MAP2K4: variants seen among roughly 807,000 people sequenced by gnomAD.
MAP2K4 encodes mitogen-activated protein kinase kinase 4, also known as dual specificity mitogen-activated protein kinase kinase 4.
A neutral mutation model predicts 48.5 loss-of-function variants in MAP2K4; 4 were observed. That is an observed-to-expected ratio of 0.08 (90% CI 0.04 to 0.19). The LOEUF (loss-of-function observed/expected upper bound fraction) is 0.19. Among genes scored for constraint, MAP2K4 ranks in the 10% least tolerant of loss-of-function variants. The pLI is 1.00. For synonymous variants in MAP2K4, 166 were observed against 173.1 expected (o/e 0.96, Z 0.32); for missense variants, 258 against 493.3 (o/e 0.52, Z 4.52).
At chr17:12,021,712 G>A (rs572224628) in intron 1 of MAP2K4, among the ~76,000 whole-genome samples, 8 of 141,622 alleles carry the variant, frequency 5.6e-5, no homozygotes, top group African/African-American at 2.1e-4. Context: ...AGGGATTTCT[G>A]TGTTAGCATT....
At chr17:12,133,957 C>T (rs1280933338) in intron 9 of MAP2K4, among the ~76,000 whole-genome samples, 2 of 152,218 alleles carry the variant, frequency 1.3e-5, no homozygotes, top group African/African-American at 4.8e-5. Flanking sequence ...AGTATCTACT[C>T]CTGCCTTTCT....
At chr17:12,063,626 A>G (rs892455055) in intron 2 of MAP2K4, among the ~76,000 whole-genome samples, 1 of 152,190 alleles carries the variant, frequency 6.6e-6, no homozygotes, top group East Asian at 1.9e-4. Context: ...AAAATAATAA[A>G]TTGGATTTTA....
chr17:12,096,491 G>A (rs1325378405), intron 4 of MAP2K4, among the ~76,000 whole-genome samples: 1 of 152,144 alleles, frequency 6.6e-6, no homozygotes, highest in Non-Finnish European at 1.5e-5. Flanking sequence ...ATCAAAAATT[G>A]TGATACTTAG....
chr17:12,048,651 T>A (rs950024238), intron 1 of MAP2K4, among the ~76,000 whole-genome samples: 12 of 152,012 alleles, frequency 7.9e-5, no homozygotes, highest in African/African-American at 2.7e-4. Context: ...CTTTATTTAT[T>A]TTTATTTATT....
At chr17:12,046,193 A>G (rs1969959199) in intron 1 of MAP2K4, among the ~76,000 whole-genome samples, 1 of 152,180 alleles carries the variant, frequency 6.6e-6, no homozygotes, top group Non-Finnish European at 1.5e-5. Flanking sequence ...CCCCTGAACC[A>G]AAGGTGGAGA....
chr17:12,086,223 C>T (rs553327974), intron 3 of MAP2K4, among the ~76,000 whole-genome samples: 4 of 152,208 alleles, frequency 2.6e-5, no homozygotes, highest in South Asian at 2.1e-4. Flanking sequence ...TATCTTAGGC[C>T]GTCGTTCGGT....
At chr17:12,104,603 G>A (rs1364079748) in intron 4 of MAP2K4, among the ~76,000 whole-genome samples, 1 of 151,740 alleles carries the variant, frequency 6.6e-6, no homozygotes, top group Non-Finnish European at 1.5e-5. Flanking sequence ...ACTGAGTTTG[G>A]TCTTTCCCTA....
At chr17:12,101,676 ATTATT>A (rs928238364) in intron 4 of MAP2K4, among the ~76,000 whole-genome samples, 1 of 152,098 alleles carries the variant, frequency 6.6e-6, no homozygotes, top group Non-Finnish European at 1.5e-5. Context: ...ATCTCACTTT[ATTATT>A]TTACATCTTC....
chr17:12,082,179 A>G (rs757045656), intron 3 of MAP2K4, among the ~76,000 whole-genome samples: 3 of 151,824 alleles, frequency 2.0e-5, no homozygotes, highest in African/African-American at 7.3e-5. Flanking sequence ...GATTTGATCC[A>G]TAGACAATAC....
intron 3 of MAP2K4, among the ~76,000 whole-genome samples, chr17:12,088,508 TATA>T (rs1369986074): frequency 5.6e-5 from 6 of 107,130 alleles, no homozygotes; most frequent in Admixed American, 1.2e-4. Context: ...ATATATTATC[TATA>T]ATATGTATGT....
intron 2 of MAP2K4, among the ~76,000 whole-genome samples, chr17:12,079,982 C>T (rs1173995154): frequency 1.8e-4 from 28 of 152,156 alleles, no homozygotes. Context: ...CTGAAAAGCA[C>T]TTGTATGAAT....
intron 3 of MAP2K4, among the ~76,000 whole-genome samples, chr17:12,085,213 G>A (rs1014001398): frequency 1.3e-5 from 2 of 152,264 alleles, no homozygotes; most frequent in Non-Finnish European, 1.5e-5. Flanking sequence ...ATGAGAGGGA[G>A]TATAAGGACT....
At chr17:12,110,106 AT>A (rs1972254427) in intron 5 of MAP2K4, among the ~76,000 whole-genome samples, 6 of 152,156 alleles carry the variant, frequency 3.9e-5, no homozygotes, top group Admixed American at 3.9e-4. Context: ...AAAAGATAAA[AT>A]TTTAAATGAA....
intron 2 of MAP2K4, among the ~76,000 whole-genome samples, chr17:12,080,239 A>AATGACC (rs1971146411): frequency 6.6e-6 from 1 of 152,220 alleles, no homozygotes; most frequent in African/African-American, 2.4e-5. Context: ...GAAGAAAAAT[A>AATGACC]ATGACCAAGC....
intron 5 of MAP2K4, 72 bp from the exon 6 acceptor site, chr17:12,110,303 T>A: frequency 2.0e-6 from 2 of 1,011,392 alleles, no homozygotes. Context: ...GGATATTACT[T>A]GTGATAAACT....
At chr17:12,057,107 AAGAC>A (rs929898130) in intron 2 of MAP2K4, among the ~76,000 whole-genome samples, 4 of 152,140 alleles carry the variant, frequency 2.6e-5, no homozygotes, top group Non-Finnish European at 4.4e-5. Context: ...AAAAAATTGT[AAGAC>A]AGTGTTCTTT....
At chr17:12,077,226 G>A (rs935885527) in intron 2 of MAP2K4, among the ~76,000 whole-genome samples, 3 of 152,186 alleles carry the variant, frequency 2.0e-5, no homozygotes, top group Non-Finnish European at 4.4e-5. Flanking sequence ...CTGCTCTGTG[G>A]ATTTGGAGAC....
At chr17:12,057,323 G>T (rs909301759) in intron 2 of MAP2K4, among the ~76,000 whole-genome samples, 3 of 152,216 alleles carry the variant, frequency 2.0e-5, no homozygotes, top group African/African-American at 7.2e-5. Flanking sequence ...AGGGAAGGTT[G>T]AGTGAAGAAG....
intron 2 of MAP2K4, chr17:12,069,890 C>CAT (rs56309746): frequency 2.7e-5 from 5 of 182,198 alleles, no homozygotes; most frequent in African/African-American, 7.7e-5. Context: ...GAAGATTAGT[C>CAT]ATATATATAT....
Sources: gnomAD v4.1 joint callset for allele counts (sites outside exome capture counted in the v4.1 genomes callset) on GRCh38, gnomAD v4.1.1 for gene constraint, MANE v1.5 for transcripts, NCBI Gene and HGNC (gene_info 2026-07-23, HGNC 2026-07-21) for gene names.